Variants in PVT1 observed in about 807,000 individuals in gnomAD.
PVT1 encodes CXCR4/PVT1 fusion.
chr8:128,071,514 T>C (rs1199679257), intron 5 of PVT1, among the ~76,000 whole-genome samples: 5 of 151,306 alleles, frequency 3.3e-5, no homozygotes, highest in African/African-American at 1.2e-4. Context: ...GACCCCCATC[T>C]CTATAAAAAT....
chr8:127,834,989 C>T (rs976155078), intron 2 of PVT1, among the ~76,000 whole-genome samples: 2 of 152,322 alleles, frequency 1.3e-5, no homozygotes, highest in Admixed American at 6.5e-5. Context: ...CGCTTTTACA[C>T]TGTTGGTGGG....
At chr8:127,893,220 CTATGAGATGCGCACCAT>C (rs1815633095) in intron 3 of PVT1, among the ~76,000 whole-genome samples, 1 of 152,192 alleles carries the variant, frequency 6.6e-6, no homozygotes, top group African/African-American at 2.4e-5. Flanking sequence ...CAAAACAGAG[CTATGAGATGCGCACCAT>C]TATGATGATT....
intron 2 of PVT1, among the ~76,000 whole-genome samples, chr8:127,801,850 T>C (rs995614728): frequency 2.0e-5 from 3 of 152,270 alleles, no homozygotes; most frequent in African/African-American, 7.2e-5. Context: ...TAAACACACA[T>C]TGGATTTCAG....
At chr8:127,797,913 G>T (rs965194521) in intron 2 of PVT1, among the ~76,000 whole-genome samples, 1 of 152,136 alleles carries the variant, frequency 6.6e-6, no homozygotes, top group African/African-American at 2.4e-5. Flanking sequence ...ATCCTCCCAG[G>T]TCACACAGCT....
intron 3 of PVT1, among the ~76,000 whole-genome samples, chr8:127,955,837 G>A (rs550202967): frequency 3.6e-4 from 55 of 152,004 alleles, no homozygotes; most frequent in Non-Finnish European, 6.3e-4. Context: ...TGCCCGCCTC[G>A]GCCTCCCAAA....
rs147680680 is a variant in PVT1 at position 127,877,119 on chromosome 8, A to G, written n.373-13470A>G. On this transcript the variant is annotated intron_variant and non_coding_transcript_variant, in intron 2 of 10. Transcript: ENST00000651587. Reference sequence around the variant, plus strand: ...CGTGGTGGAAAGTTTCCTCTCGCCGAGGAGGACAACTCCCCAGCGCCTGAG... The same window carrying G: ...CGTGGTGGAAAGTTTCCTCTCGCCGGGGAGGACAACTCCCCAGCGCCTGAG... Among the ~76,000 whole-genome samples, 400 of 152,280 alleles carry G rather than the reference A, an allele frequency of 2.6e-3. 7 individuals are homozygous for G. The East Asian group carries it at 0.041, about 16-fold the overall frequency.
intron 5 of PVT1, among the ~76,000 whole-genome samples, chr8:128,087,076 C>A (rs1433878761): frequency 6.6e-6 from 1 of 152,190 alleles, no homozygotes; most frequent in Non-Finnish European, 1.5e-5. Context: ...ATGTGATTGG[C>A]AATAGTGGAG....
chr8:127,964,207 A>G (rs1303141281), intron 3 of PVT1, among the ~76,000 whole-genome samples: 1 of 152,252 alleles, frequency 6.6e-6, no homozygotes, highest in Admixed American at 6.5e-5. Context: ...CTGTTTTGAC[A>G]GTTGTCATTC....
intron 5 of PVT1, among the ~76,000 whole-genome samples, chr8:128,092,088 C>T (rs1814363340): frequency 6.6e-6 from 1 of 152,188 alleles, no homozygotes; most frequent in African/African-American, 2.4e-5. Context: ...CTCCATCCCA[C>T]CTGGCGGGCC....
chr8:127,992,856 C>T (rs1413231039), intron 4 of PVT1, among the ~76,000 whole-genome samples: 2 of 152,226 alleles, frequency 1.3e-5, no homozygotes, highest in Admixed American at 1.3e-4. Context: ...TCATGCTGGC[C>T]TCCTGGCCTT....
chr8:127,920,719 G>C (rs530498489), intron 3 of PVT1, among the ~76,000 whole-genome samples: 1 of 152,244 alleles, frequency 6.6e-6, no homozygotes, highest in African/African-American at 2.4e-5. Context: ...TTTATGAAAA[G>C]TTTAGTACTT....
intron 5 of PVT1, among the ~76,000 whole-genome samples, chr8:128,083,521 A>G (rs1254835972): frequency 6.6e-6 from 1 of 152,232 alleles, no homozygotes; most frequent in African/African-American, 2.4e-5. Flanking sequence ...GTTGGCTTGC[A>G]AAGGAGAGGC....
At chr8:128,014,446 A>G (rs1817349249) in intron 4 of PVT1, among the ~76,000 whole-genome samples, 1 of 152,202 alleles carries the variant, frequency 6.6e-6, no homozygotes, top group Non-Finnish European at 1.5e-5. Flanking sequence ...CTGACTAATT[A>G]TGAGAAGAGA....
At chr8:128,100,947 A>G (rs923204515) in intron 6 of PVT1, 1 of 152,186 alleles carries the variant, frequency 6.6e-6, no homozygotes, top group Middle Eastern at 3.2e-3. Context: ...TAACACTACT[A>G]TTACAGATTG....
chr8:127,931,568 GAGGCA>G (rs1816206639), intron 3 of PVT1, among the ~76,000 whole-genome samples: 1 of 152,230 alleles, frequency 6.6e-6, no homozygotes, highest in Non-Finnish European at 1.5e-5. Flanking sequence ...CAAGGCAACT[GAGGCA>G]CAGAGCAGCT....
intron 3 of PVT1, among the ~76,000 whole-genome samples, chr8:127,942,323 C>T (rs570433927): frequency 6.6e-6 from 1 of 152,308 alleles, no homozygotes; most frequent in South Asian, 2.1e-4. Flanking sequence ...GCATCTCAAC[C>T]CAGGTTCATC....
intron 2 of PVT1, among the ~76,000 whole-genome samples, chr8:127,851,019 TA>T (rs1290113910): frequency 0.044 from 6,553 of 148,816 alleles, 515 homozygotes; most frequent in African/African-American, 0.16. Flanking sequence ...AAAAAAAAAT[TA>T]AAAAAAAATA....
intron 2 of PVT1, among the ~76,000 whole-genome samples, chr8:127,861,861 T>G (rs1416009997): frequency 6.6e-6 from 1 of 152,220 alleles, no homozygotes; most frequent in Non-Finnish European, 1.5e-5. Context: ...ATCAGCCAAG[T>G]CAGTCCTGCG....
chr8:128,097,617 A>C (rs1480221180), intron 6 of PVT1, among the ~76,000 whole-genome samples: 1 of 152,102 alleles, frequency 6.6e-6, no homozygotes, highest in Non-Finnish European at 1.5e-5. Context: ...TTTCAACCAC[A>C]CAGACTCATT....
Sources: gnomAD v4.1 joint callset for allele counts (sites outside exome capture counted in the v4.1 genomes callset) on GRCh38, gnomAD v4.1.1 for gene constraint, MANE v1.5 for transcripts, NCBI Gene and HGNC (gene_info 2026-07-23, HGNC 2026-07-21) for gene names.